Variants in KIF2A observed in about 807,000 individuals in gnomAD.
KIF2A encodes the protein kinesin family member 2A, also known as kinesin-like protein KIF2A.
KIF2A carries 22 observed loss-of-function variants against 100.2 expected under a neutral mutation model. That is an observed-to-expected ratio of 0.22 (90% confidence interval 0.16 to 0.31). The LOEUF (loss-of-function observed/expected upper bound fraction) is 0.31. Ranked by LOEUF, KIF2A falls within the 10% of genes least tolerant of loss-of-function variation. The pLI is 1.00. For missense variants in KIF2A, 495 were observed against 898.7 expected (o/e 0.55, Z 5.74); for synonymous variants, 268 against 285.9 (o/e 0.94, Z 0.63).
intron 20 of KIF2A, among the ~76,000 whole-genome samples, chr5:62,383,031 ATTC>A (rs998493825): frequency 1.3e-5 from 2 of 150,676 alleles, no homozygotes; most frequent in African/African-American, 4.9e-5. Flanking sequence ...GGTTCAAGCA[ATTC>A]TTCTGCCTCA....
At position 62,374,799 on chromosome 5, in the gene KIF2A, C is replaced by T. The variant is rs545254178; in HGVS notation, c.1911+962C>T. On this transcript the variant is annotated intron_variant, in intron 18 of 20. Coordinates refer to ENST00000407818, the MANE Select transcript of KIF2A (RefSeq NM_001098511.3). ...AAAATTAGCTGAGCATGGTGGCACA[C>T]GCCTGTAGTCCCAGCTACTCAGGAG... Among the ~76,000 whole-genome samples, 6 of 152,190 alleles carry T rather than the reference C, an allele frequency of 3.9e-5. No homozygotes were observed. The South Asian group carries it at 8.3e-4, about 21-fold the overall frequency.
chr5:62,380,687 G>T (rs1741739739), intron 19 of KIF2A, among the ~76,000 whole-genome samples: 1 of 152,130 alleles, frequency 6.6e-6, no homozygotes, highest in African/African-American at 2.4e-5. Flanking sequence ...CTAGAGAAAA[G>T]AAAATGGTAT....
At chr5:62,375,988 T>G (rs1398682485) in intron 18 of KIF2A, among the ~76,000 whole-genome samples, 6 of 152,244 alleles carry the variant, frequency 3.9e-5, no homozygotes, top group African/African-American at 1.4e-4. Context: ...ATGTCCAGAA[T>G]TTTTAAGAGA....
Position 62,358,156 on chromosome 5 carries a change from T to C in KIF2A, c.729T>C (p.Leu243=), listed in dbSNP as rs779163986. The C allele has an allele frequency of 6.3e-7, 1 of 1,577,284 alleles. No homozygotes were observed. The highest frequency in any genetic ancestry group is 1.2e-5 in the South Asian group (1 of 84,544). ...LNKKETQMKD[L]DVITIPSKDV... ...TTTTAGAAACTCAAATGAAAGATCT[T>C]GATGTAATCACAATTCCTAGTAAAG... Residue 243 remains leucine, a synonymous_variant, in exon 9 of 21, where the codon CTT becomes CTC. Coordinates refer to ENST00000407818, the MANE Select transcript of KIF2A (RefSeq NM_001098511.3).
chr5:62,389,927 A>G lies in KIF2A; in HGVS notation c.*4358A>G, dbSNP rs1293282019. 1.3e-5 allele frequency among the ~76,000 whole-genome samples: 2 copies of G among 152,254 alleles called. No individual in the cohort carries two copies. The highest frequency in any genetic ancestry group is 2.9e-5 in the Non-Finnish European group (2 of 68,046). On this transcript the variant is annotated 3_prime_UTR_variant, in exon 21 of 21. Coordinates refer to ENST00000407818, the MANE Select transcript of KIF2A (RefSeq NM_001098511.3). ...TATGTTTAGGCTGGCCCATAGAAACAGGTCCAGATAAATTTCTAAAAAAGC... is the reference window on the plus strand; with the variant it reads ...TATGTTTAGGCTGGCCCATAGAAACGGGTCCAGATAAATTTCTAAAAAAGC...
At chr5:62,317,240 G>C (rs1324997550) in intron 1 of KIF2A, among the ~76,000 whole-genome samples, 1 of 152,078 alleles carries the variant, frequency 6.6e-6, no homozygotes, top group Non-Finnish European at 1.5e-5. Flanking sequence ...TAGAGATGGG[G>C]TTTCTCCGTG....
At chr5:62,316,036 G>A (rs960681720) in intron 1 of KIF2A, among the ~76,000 whole-genome samples, 8 of 152,148 alleles carry the variant, frequency 5.3e-5, no homozygotes, top group Admixed American at 5.2e-4. Flanking sequence ...TCAGGCTAAC[G>A]CTGTTCAAGA....
chr5:62,385,518 G>A lies in KIF2A; in HGVS notation c.2184G>A (p.Glu728=). The change falls in exon 21 of 21, where the codon GAG becomes GAA. Residue 728 remains glutamate, a synonymous_variant. Coordinates refer to ENST00000407818, the MANE Select transcript of KIF2A (RefSeq NM_001098511.3). Reference sequence around the variant, plus strand: ...AATCTTTCCGTGCAGCTCTACAAGAGGAGGAACAAGCCAGCAAGCAAATCA... The same window carrying A: ...AATCTTTCCGTGCAGCTCTACAAGAAGAGGAACAAGCCAGCAAGCAAATCA... ...KVKSFRAALQ[E]EEQASKQINP... is the part of the protein sequence containing the mutation. 1 of 1,594,582 alleles carries A rather than the reference G, an allele frequency of 6.3e-7. No homozygotes were observed. Among genetic ancestry groups the A allele is most frequent in the Non-Finnish European group, 8.5e-7 (1 of 1,170,134 alleles).
intron 1 of KIF2A, among the ~76,000 whole-genome samples, chr5:62,346,650 G>T (rs978233358): frequency 6.6e-6 from 1 of 152,152 alleles, no homozygotes; most frequent in African/African-American, 2.4e-5. Flanking sequence ...TGAGGCACAA[G>T]AATCACTTGA....
At chr5:62,371,467 C>T (rs1580091221) in intron 16 of KIF2A, among the ~76,000 whole-genome samples, 1 of 152,102 alleles carries the variant, frequency 6.6e-6, no homozygotes, top group African/African-American at 2.4e-5. Context: ...TCATTTAGTT[C>T]AACCTAAGAG....
chr5:62,356,900 C>T (rs1424431311), intron 7 of KIF2A, among the ~76,000 whole-genome samples: 2 of 151,364 alleles, frequency 1.3e-5, no homozygotes, highest in Non-Finnish European at 2.9e-5. Context: ...ATTCTCGTGC[C>T]TCAGCCACCT....
chr5:62,362,023 C>T (rs1173651482), intron 11 of KIF2A, among the ~76,000 whole-genome samples: 3 of 150,130 alleles, frequency 2.0e-5, no homozygotes, highest in Non-Finnish European at 4.4e-5. Flanking sequence ...CAGACCAAGA[C>T]CCCATCTCAA....
At chr5:62,308,545 T>G (rs1347514436) in intron 1 of KIF2A, 1 of 702,998 alleles carries the variant, frequency 1.4e-6, no homozygotes, top group Non-Finnish European at 2.6e-6. Flanking sequence ...TGTGTGTGTG[T>G]ATACGTTTAT....
chr5:62,364,282 G>C (rs1007275218), intron 14 of KIF2A, among the ~76,000 whole-genome samples: 4 of 151,978 alleles, frequency 2.6e-5, no homozygotes, highest in African/African-American at 4.8e-5. Context: ...CCAGGAGCTG[G>C]GATTACAGGC....
At position 62,306,539 on chromosome 5, in the gene KIF2A, G is replaced by GAGCCGCGCTGCC. The variant is rs1745285821; in HGVS notation, c.64+8_64+19dup. ...CGTGGAGATCAAGCGCAGCGATGGT[G>GAGCCGCGCTGCC]AGCCGCGCTGCCAGCCCCGCTGGCC... On this transcript the variant is annotated splice_donor_region_variant and intron_variant, in intron 1 of 20. Transcript: ENST00000407818. The GAGCCGCGCTGCC allele has an allele frequency of 6.5e-7, 1 of 1,544,704 alleles. No individual in the cohort carries two copies. The highest frequency in any genetic ancestry group is 8.7e-7 in the Non-Finnish European group (1 of 1,144,272).
At chr5:62,358,038 T>TA in intron 8 of KIF2A, 99 bp from the exon 9 acceptor site, 1 of 883,238 alleles carries the variant, frequency 1.1e-6, no homozygotes, top group South Asian at 1.9e-5. Context: ...GTACAGAACT[T>TA]ACTACTTGTA....
intron 1 of KIF2A, among the ~76,000 whole-genome samples, chr5:62,341,294 G>C (rs1747277074): frequency 6.6e-6 from 1 of 150,528 alleles, no homozygotes. Flanking sequence ...GATACTGGAT[G>C]TTGTCTCCTT....
intron 4 of KIF2A, among the ~76,000 whole-genome samples, chr5:62,351,940 G>A (rs1245756612): frequency 6.6e-6 from 1 of 152,130 alleles, no homozygotes; most frequent in Admixed American, 6.6e-5. Context: ...GATCACCTGA[G>A]GTGAAGAGTT....
chr5:62,322,727 C>T (rs565163883), intron 1 of KIF2A, among the ~76,000 whole-genome samples: 1 of 152,058 alleles, frequency 6.6e-6, no homozygotes, highest in East Asian at 1.9e-4. Flanking sequence ...TACCTACACA[C>T]ATATATGCAT....
Sources: allele counts gnomAD v4.1 joint callset (sites outside exome capture counted in the v4.1 genomes callset), GRCh38; gene constraint gnomAD v4.1.1; transcripts MANE v1.5; gene names NCBI Gene and HGNC (gene_info 2026-07-23, HGNC 2026-07-21).